The following TRIO variants were observed in gnomAD, a reference collection of about 807,000 sequenced individuals.
The protein encoded by TRIO is trio Rho guanine nucleotide exchange factor.
A neutral mutation model predicts 351.9 loss-of-function variants in TRIO; 58 were observed. The observed-to-expected ratio is 0.16, with a 90% CI of 0.13 to 0.21. The LOEUF (loss-of-function observed/expected upper bound fraction) is 0.21. Ranked by LOEUF, TRIO falls within the 10% of genes least tolerant of loss-of-function variation. The pLI, the probability that TRIO is intolerant of heterozygous loss-of-function variation, is 1.00. For synonymous variants in TRIO, 1,758 were observed against 1,595.7 expected, an observed-to-expected ratio of 1.10 and a Z score of -2.42; for missense variants, 3,201 against 4,027.8, an observed-to-expected ratio of 0.79 and a Z score of 5.56.
chr5:14,275,425 A>G (rs978121101), intron 2 of TRIO, among the ~76,000 whole-genome samples: 18 of 152,328 alleles, frequency 1.2e-4, no homozygotes, highest in African/African-American at 4.3e-4. Context: ...CATTTGTAAG[A>G]CTTAAAAACC....
chr5:14,304,650 C>T, intron 8 of TRIO, 58 bp downstream of exon 8: 1 of 1,548,480 alleles, frequency 6.5e-7, no homozygotes, highest in Non-Finnish European at 8.7e-7. Flanking sequence ...TCATAGTACA[C>T]CGGAAGCTAG....
chr5:14,476,504 A>C (rs1755084481), intron 40 of TRIO, among the ~76,000 whole-genome samples: 1 of 152,248 alleles, frequency 6.6e-6, no homozygotes, highest in Non-Finnish European at 1.5e-5. Flanking sequence ...TTGAAAATGT[A>C]AACCTGGCCA....
chr5:14,467,372 A>G (rs1754335696), intron 37 of TRIO, among the ~76,000 whole-genome samples: 1 of 152,222 alleles, frequency 6.6e-6, no homozygotes, highest in Non-Finnish European at 1.5e-5. Context: ...TTATATAAAG[A>G]AAAATTTGGA....
At chr5:14,236,361 A>G (rs1272708947) in intron 1 of TRIO, among the ~76,000 whole-genome samples, 1 of 152,236 alleles carries the variant, frequency 6.6e-6, no homozygotes, top group Non-Finnish European at 1.5e-5. Flanking sequence ...GTCTTACAGT[A>G]AACTACTTGC....
intron 34 of TRIO, among the ~76,000 whole-genome samples, chr5:14,449,023 C>T (rs1752649401): frequency 1.3e-5 from 2 of 152,192 alleles, no homozygotes. Flanking sequence ...TAGACATTCT[C>T]CTCTAGTCAA....
chr5:14,198,099 T>C (rs1790885948), intron 1 of TRIO, among the ~76,000 whole-genome samples: 1 of 152,210 alleles, frequency 6.6e-6, no homozygotes, highest in African/African-American at 2.4e-5. Context: ...ATATGCATCA[T>C]AGAAATTTAG....
At chr5:14,159,948 A>T (rs1201090033) in intron 1 of TRIO, among the ~76,000 whole-genome samples, 1 of 152,200 alleles carries the variant, frequency 6.6e-6, no homozygotes, top group Non-Finnish European at 1.5e-5. Context: ...AGACTCTAAA[A>T]CAGAAACGGC....
intron 9 of TRIO, among the ~76,000 whole-genome samples, chr5:14,322,133 C>T (rs570759274): frequency 6.6e-6 from 1 of 152,218 alleles, no homozygotes; most frequent in Admixed American, 6.5e-5. Context: ...GTTTCATTCA[C>T]TGGTGTTTCC....
chr5:14,352,214 C>A (rs922365496), intron 11 of TRIO, among the ~76,000 whole-genome samples: 1 of 152,190 alleles, frequency 6.6e-6, no homozygotes, highest in Non-Finnish European at 1.5e-5. Flanking sequence ...CTCTGGCCTG[C>A]AGATCCCCTG....
intron 1 of TRIO, among the ~76,000 whole-genome samples, chr5:14,179,823 G>C (rs1004908730): frequency 6.6e-6 from 1 of 152,202 alleles, no homozygotes; most frequent in East Asian, 1.9e-4. Context: ...TGGGCATGGT[G>C]GCTCAGGTGT....
chr5:14,403,549 TGTGAGGGTGCAGGTTGTG>T (rs1748377599), intron 31 of TRIO, among the ~76,000 whole-genome samples: 1 of 18,608 alleles, frequency 5.4e-5, no homozygotes, highest in Non-Finnish European at 9.5e-5. Flanking sequence ...GGGTGCAGGT[TGTGAGGGTGCAGGTTGTG>T]GTGGTGAGGG....
At chr5:14,498,723 A>T in intron 53 of TRIO, 83 bp downstream of exon 53, 1 of 1,569,676 alleles carries the variant, frequency 6.4e-7, no homozygotes, top group Non-Finnish European at 8.7e-7. Context: ...GTCTGCCCTT[A>T]CACTCCAAGT....
chr5:14,338,380 C>T (rs60768136), intron 11 of TRIO, among the ~76,000 whole-genome samples: 1 of 152,114 alleles, frequency 6.6e-6, no homozygotes, highest in Non-Finnish European at 1.5e-5. Context: ...CCGCTCAACA[C>T]AGTATCCCCT....
intron 1 of TRIO, among the ~76,000 whole-genome samples, chr5:14,163,463 T>C (rs32597): frequency 0.54 from 82,010 of 152,096 alleles, 22,152 homozygotes; most frequent in South Asian, 0.6. Context: ...CTCAGCTTCT[T>C]AAAGTGCTGG....
chr5:14,397,177 G>T, intron 29 of TRIO, 23 bp downstream of exon 29: 2 of 1,567,874 alleles, frequency 1.3e-6, no homozygotes, highest in Middle Eastern at 1.7e-4. Flanking sequence ...CCATACCCCA[G>T]TGTGCATCTA....
intron 6 of TRIO, among the ~76,000 whole-genome samples, 196 bp from the exon 7 acceptor site, chr5:14,296,876 T>G (rs1428360751): frequency 6.6e-6 from 1 of 152,216 alleles, no homozygotes. Flanking sequence ...AAAATAGAAA[T>G]GGAAACCAAT....
At chr5:14,222,643 C>G (rs115033149) in intron 1 of TRIO, among the ~76,000 whole-genome samples, 2,258 of 152,280 alleles carry the variant, frequency 0.015, 42 homozygotes, top group African/African-American at 0.051. Flanking sequence ...TTGGAACCTG[C>G]ATTTTGAGTA....
intron 1 of TRIO, among the ~76,000 whole-genome samples, chr5:14,203,794 C>G (rs351281): frequency 3.9e-5 from 6 of 152,134 alleles, no homozygotes; most frequent in African/African-American, 1.4e-4. Context: ...AAAGCCTAGT[C>G]CTTTTCTCAG....
chr5:14,283,934 C>T (rs1279020463), intron 3 of TRIO, among the ~76,000 whole-genome samples: 3 of 150,682 alleles, frequency 2.0e-5, no homozygotes, highest in Non-Finnish European at 3.0e-5. Flanking sequence ...CTCTCGGTGG[C>T]TGTTGCTTTT....
Sources: gnomAD v4.1 joint callset for allele counts (sites outside exome capture counted in the v4.1 genomes callset) on GRCh38, gnomAD v4.1.1 for gene constraint, MANE v1.5 for transcripts, NCBI Gene and HGNC (gene_info 2026-07-23, HGNC 2026-07-21) for gene names.